Variants in RUNX1 observed in about 807,000 individuals in gnomAD.
The protein encoded by RUNX1 is runt-related transcription factor 1.
RUNX1 carries 19 observed loss-of-function variants against 42.8 expected under a neutral mutation model. The observed-to-expected ratio is 0.44, with a 90% CI of 0.31 to 0.65. The LOEUF is 0.65. RUNX1 is among the 30% of genes least tolerant of loss of function. The pLI is 0.07. For missense variants in RUNX1, 528 were observed against 672.0 expected (o/e 0.79, Z 2.37); for synonymous variants, 271 against 289.4 (o/e 0.94, Z 0.64).
intron 2 of RUNX1, among the ~76,000 whole-genome samples, chr21:34,911,063 G>A (rs1428189163): frequency 1.3e-5 from 2 of 151,968 alleles, no homozygotes; most frequent in Non-Finnish European, 2.9e-5. Context: ...TTTAAATATC[G>A]CATAATATTT....
At chr21:34,952,662 T>C (rs961089379) in intron 2 of RUNX1, among the ~76,000 whole-genome samples, 2 of 152,200 alleles carry the variant, frequency 1.3e-5, no homozygotes, top group African/African-American at 4.8e-5. Context: ...TAAAAAATAA[T>C]GTTCTCATTT....
At chr21:35,012,093 G>C (rs1279464777) in intron 2 of RUNX1, among the ~76,000 whole-genome samples, 1 of 152,198 alleles carries the variant, frequency 6.6e-6, no homozygotes, top group African/African-American at 2.4e-5. Context: ...GTTGACTAAA[G>C]TAAATATGAT....
chr21:34,963,769 C>T (rs771290602), intron 2 of RUNX1, among the ~76,000 whole-genome samples: 10 of 152,100 alleles, frequency 6.6e-5, no homozygotes, highest in South Asian at 4.1e-4. Context: ...GTCTCTACCC[C>T]GACGCTGAAA....
chr21:34,805,042 C>T (rs903331699), intron 7 of RUNX1, among the ~76,000 whole-genome samples: 12 of 151,998 alleles, frequency 7.9e-5, no homozygotes, highest in East Asian at 1.9e-4. Context: ...CATGAGCCAC[C>T]GTGCCCAGCC....
intron 6 of RUNX1, among the ~76,000 whole-genome samples, chr21:34,840,541 A>G (rs886677775): frequency 4.6e-5 from 7 of 152,234 alleles, no homozygotes; most frequent in Non-Finnish European, 8.8e-5. Flanking sequence ...ACTGGTTCTA[A>G]GCACGGTCTT....
intron 2 of RUNX1, among the ~76,000 whole-genome samples, chr21:35,048,046 C>T (rs549020923): frequency 2.0e-4 from 30 of 152,306 alleles, no homozygotes; most frequent in African/African-American, 7.0e-4. Flanking sequence ...ACAGGTTTTC[C>T]ACCCTGGCTG....
At chr21:34,854,842 G>C (rs1025390232) in intron 6 of RUNX1, among the ~76,000 whole-genome samples, 6 of 151,902 alleles carry the variant, frequency 3.9e-5, no homozygotes, top group Middle Eastern at 3.2e-3. Context: ...CCTGTGAGGA[G>C]GGGGGCAGCT....
intron 7 of RUNX1, among the ~76,000 whole-genome samples, chr21:34,817,511 T>C (rs1325740882): frequency 6.6e-6 from 1 of 152,174 alleles, no homozygotes; most frequent in Non-Finnish European, 1.5e-5. Context: ...AGGATAGGGC[T>C]GCCCATTCCT....
chr21:34,850,168 TGGG>T, intron 6 of RUNX1, among the ~76,000 whole-genome samples: 1 of 152,346 alleles, frequency 6.6e-6, no homozygotes, highest in East Asian at 1.9e-4. Flanking sequence ...TTTAATGTGC[TGGG>T]ATGCTGTGAC....
rs2059254558 is a variant in RUNX1, at chr21:35,028,876, TGA to T, written c.58+19964_58+19965del. The stretch of plus-strand genomic sequence containing the variant: ...GCTGGGAAGAGAAATGGGGTAGTGG[TGA>T]GAGTGTCATGAGAATCTGGTTATAC... On this transcript the variant is annotated intron_variant, in intron 2 of 8. Coordinates refer to ENST00000675419, the MANE Select transcript of RUNX1 (RefSeq NM_001754.5). Among the ~76,000 whole-genome samples, 2 of 152,098 alleles carry T rather than the reference TGA, an allele frequency of 1.3e-5. 1 individual carries two copies. Among genetic ancestry groups the T allele is most frequent in the Admixed American group, 1.3e-4 (2 of 15,274 alleles).
At chr21:34,920,270 C>G (rs1356235062) in intron 2 of RUNX1, among the ~76,000 whole-genome samples, 1 of 152,194 alleles carries the variant, frequency 6.6e-6, no homozygotes, top group Non-Finnish European at 1.5e-5. Context: ...ATTCCACAAC[C>G]AAGGTCTTTC....
chr21:34,809,637 G>T (rs1320533747), intron 7 of RUNX1, among the ~76,000 whole-genome samples: 3 of 152,180 alleles, frequency 2.0e-5, no homozygotes. Flanking sequence ...TCCAGGCTGG[G>T]CATGGAAGGC....
chr21:34,850,471 C>T (rs150619877), intron 6 of RUNX1, among the ~76,000 whole-genome samples: 3 of 152,320 alleles, frequency 2.0e-5, no homozygotes, highest in African/African-American at 7.2e-5. Flanking sequence ...TACAAGAATT[C>T]CGACCCCAAG....
At chr21:34,992,983 A>T (rs114701653) in intron 2 of RUNX1, among the ~76,000 whole-genome samples, 1,822 of 152,340 alleles carry the variant, frequency 0.012, 28 homozygotes, top group African/African-American at 0.041. Context: ...GTGGTTCTCT[A>T]GGCAGAGCTG....
chr21:34,820,594 G>C (rs557918182), intron 7 of RUNX1, among the ~76,000 whole-genome samples: 1 of 151,838 alleles, frequency 6.6e-6, no homozygotes, highest in Non-Finnish European at 1.5e-5. Flanking sequence ...CCCTGAACCC[G>C]GGAGGTAGAG....
intron 8 of RUNX1, among the ~76,000 whole-genome samples, chr21:34,794,891 GA>G (rs748882223): frequency 1.3e-5 from 2 of 152,264 alleles, no homozygotes; most frequent in Admixed American, 6.5e-5. Context: ...TGACAACTCA[GA>G]ATGTCTCCAG....
intron 6 of RUNX1, among the ~76,000 whole-genome samples, chr21:34,852,956 A>G (rs1569056248): frequency 6.6e-6 from 1 of 152,200 alleles, no homozygotes; most frequent in Non-Finnish European, 1.5e-5. Context: ...ATCATTCAAG[A>G]GCAAAGAGTG....
intron 2 of RUNX1, among the ~76,000 whole-genome samples, chr21:34,996,239 A>G (rs1289966221): frequency 1.3e-5 from 2 of 151,796 alleles, no homozygotes; most frequent in East Asian, 3.9e-4. Context: ...AGTTTTGTAT[A>G]TATTGCTCAG....
intron 2 of RUNX1, among the ~76,000 whole-genome samples, chr21:34,956,290 T>C (rs992943810): frequency 6.6e-6 from 1 of 152,200 alleles, no homozygotes; most frequent in Non-Finnish European, 1.5e-5. Context: ...AGATACATTT[T>C]CTGGTTACAA....
Sources: gnomAD v4.1 joint callset for allele counts (sites outside exome capture counted in the v4.1 genomes callset) on GRCh38, gnomAD v4.1.1 for gene constraint, MANE v1.5 for transcripts, NCBI Gene and HGNC (gene_info 2026-07-23, HGNC 2026-07-21) for gene names.